Variants in SLCO3A1 observed in about 807,000 individuals in gnomAD.
The protein encoded by SLCO3A1 is PGE1 transporter.
In SLCO3A1, 27 loss-of-function variants were observed where a neutral mutation model predicts 63.1. The ratio of observed to expected loss-of-function variants is 0.43; its 90% CI spans 0.32 to 0.59. The LOEUF (loss-of-function observed/expected upper bound fraction) is 0.59, where lower values mean the gene tolerates loss of function less well. Ranked by LOEUF, SLCO3A1 falls within the 20% of genes least tolerant of loss-of-function variation. The probability of loss-of-function intolerance (pLI) is 0.09; values close to 1 mark genes in which losing one functional copy is unlikely to be tolerated. For synonymous variants in SLCO3A1, 473 were observed against 409.9 expected, an observed-to-expected ratio of 1.15 and a Z score of -1.86; for missense variants, 773 against 945.8, an observed-to-expected ratio of 0.82 and a Z score of 2.40.
chr15:91,937,290 G>T (rs1199602325), intron 2 of SLCO3A1, among the ~76,000 whole-genome samples: 1 of 152,212 alleles, frequency 6.6e-6, no homozygotes, highest in Non-Finnish European at 1.5e-5. Flanking sequence ...GGTAGCACGG[G>T]CAAAGCACTC....
Position 92,060,592 on chromosome 15 carries a change from G to T in SLCO3A1, c.647-34289G>T, listed in dbSNP as rs12917267. Reference sequence around the variant, plus strand: ...TCGGCTCACTGCAACCTCCGCCTCCGGGGTTCAGGCAGTTCTCCTGCCTCA... The same window carrying T: ...TCGGCTCACTGCAACCTCCGCCTCCTGGGTTCAGGCAGTTCTCCTGCCTCA... On this transcript the variant is annotated intron_variant, in intron 2 of 9. Transcript: ENST00000318445. Among the ~76,000 whole-genome samples, 634 of 151,554 alleles carry T rather than the reference G, an allele frequency of 4.2e-3. 6 individuals carry two copies. The highest frequency in any genetic ancestry group is 0.015 in the African/African-American group (609 of 41,312).
chr15:92,045,763 A>AGT (rs1161344049), intron 2 of SLCO3A1, among the ~76,000 whole-genome samples: 1 of 152,200 alleles, frequency 6.6e-6, no homozygotes, highest in Non-Finnish European at 1.5e-5. Context: ...GCTACTGCGG[A>AGT]GTGCCAGCAT....
chr15:92,135,596 G>A (rs2048047217), intron 7 of SLCO3A1, among the ~76,000 whole-genome samples: 1 of 152,218 alleles, frequency 6.6e-6, no homozygotes, highest in Admixed American at 6.5e-5. Context: ...CCAATGAAGT[G>A]AAGAGATGCT....
rs549664637 is a variant in SLCO3A1, at chr15:91,954,235, T to C, written c.646+37777T>C. Among the ~76,000 whole-genome samples, 14 of 152,262 alleles carry C rather than the reference T, an allele frequency of 9.2e-5. No homozygotes were observed. The highest frequency in any genetic ancestry group is 4.1e-4 in the South Asian group (2 of 4,824). ...TCTGAACCACGCACTGAGAATTCCA[T>C]TGGATTAGAAGCTGTGCGGGTGCCC... On this transcript the variant is annotated intron_variant, in intron 2 of 9. Coordinates refer to ENST00000318445, the MANE Select transcript of SLCO3A1 (RefSeq NM_013272.4). This position sits in a 1 kb window ranked among gnomAD's most constrained non-coding sequence, Gnocchi z 4.7.
At chr15:91,998,690 G>T (rs889659038) in intron 2 of SLCO3A1, among the ~76,000 whole-genome samples, 2 of 152,196 alleles carry the variant, frequency 1.3e-5, no homozygotes, top group African/African-American at 4.8e-5. Flanking sequence ...CACTGTTGCT[G>T]GGAATGTAAA....
At chr15:91,933,084 A>C (rs1899291411) in intron 2 of SLCO3A1, among the ~76,000 whole-genome samples, 1 of 152,166 alleles carries the variant, frequency 6.6e-6, no homozygotes, top group Non-Finnish European at 1.5e-5. Context: ...CCAATTACTA[A>C]AAACAATTTA....
intron 1 of SLCO3A1, among the ~76,000 whole-genome samples, chr15:91,915,148 C>G (rs370855316): frequency 9.8e-5 from 15 of 152,294 alleles, no homozygotes; most frequent in African/African-American, 3.6e-4. Context: ...CATCTCACCT[C>G]CAGTCCCTTT....
intron 2 of SLCO3A1, among the ~76,000 whole-genome samples, chr15:91,952,396 C>T (rs147144209): frequency 1.6e-3 from 238 of 152,280 alleles, no homozygotes; most frequent in African/African-American, 5.5e-3. Flanking sequence ...GAAACTCTAC[C>T]AAAGAACAGT....
rs1490341089 is a variant in SLCO3A1 at position 91,950,873 on chromosome 15, C to T, written c.646+34415C>T. Among the ~76,000 whole-genome samples, 1 of 151,918 alleles carries T rather than the reference C, an allele frequency of 6.6e-6. No individual in the cohort carries two copies. Among genetic ancestry groups the T allele is most frequent in the East Asian group, 1.9e-4 (1 of 5,182 alleles). ...ACAGCCAGGGAGCCACCCTTTACTC[C>T]ACCAACAGGTGGCTTATATCCAATC... is the stretch of plus-strand genomic sequence containing the variant. On this transcript the variant is annotated intron_variant, in intron 2 of 9. Transcript: ENST00000318445. The surrounding 1 kb of genome is among the most constrained non-coding windows in gnomAD (Gnocchi z 4.4).
rs72755611 is a variant in SLCO3A1, at chr15:91,970,843, G to A, written c.646+54385G>A. Among the ~76,000 whole-genome samples the A allele has an allele frequency of 9.1e-3, 1,387 of 152,184 alleles. 13 individuals carry two copies. The highest frequency in any genetic ancestry group is 0.016 in the South Asian group (78 of 4,824). On this transcript the variant is annotated intron_variant, in intron 2 of 9. Transcript: ENST00000318445. ...CACCTGTGTACAAGGGGCGTCTGCC[G>A]TCCTCATGCTACTAATGCCCAACCA... is the stretch of plus-strand genomic sequence containing the variant.
chr15:92,116,368 C>G (rs1264643335), intron 4 of SLCO3A1, among the ~76,000 whole-genome samples: 1 of 152,244 alleles, frequency 6.6e-6, no homozygotes. Context: ...CTAGAGACCG[C>G]TCTCCTGCCG....
intron 7 of SLCO3A1, among the ~76,000 whole-genome samples, chr15:92,144,371 T>A (rs897625234): frequency 6.6e-6 from 1 of 152,198 alleles, no homozygotes; most frequent in Non-Finnish European, 1.5e-5. Flanking sequence ...AGGCCAGTTA[T>A]GAGGAGATGC....
intron 2 of SLCO3A1, among the ~76,000 whole-genome samples, chr15:91,969,801 T>C (rs918217997): frequency 6.6e-6 from 1 of 152,194 alleles, no homozygotes; most frequent in Non-Finnish European, 1.5e-5. Context: ...GAGATCTAGC[T>C]ATGTCTATGG....
intron 2 of SLCO3A1, among the ~76,000 whole-genome samples, chr15:92,008,035 G>GA (rs2046330717): frequency 6.6e-6 from 1 of 152,194 alleles, no homozygotes; most frequent in African/African-American, 2.4e-5. Flanking sequence ...CTTTTCTAAA[G>GA]AAGTCGGCTC....
rs544499458 is a variant in SLCO3A1, at chr15:91,968,085, A to G, written c.646+51627A>G. ...AGTCCCCTGCCTAGTCGCCCTGGAA[A>G]GTACCCAGGGAAGCCACTTACGGCC... On this transcript the variant is annotated intron_variant, in intron 2 of 9. Coordinates refer to ENST00000318445, the MANE Select transcript of SLCO3A1 (RefSeq NM_013272.4). The surrounding 1 kb of genome is among the most constrained non-coding windows in gnomAD (Gnocchi z 4.2). Among the ~76,000 whole-genome samples the G allele has an allele frequency of 9.2e-5, 14 of 152,260 alleles. No individual in the cohort carries two copies. The highest frequency in any genetic ancestry group is 3.1e-4 in the African/African-American group (13 of 41,554).
At chr15:92,101,280 G>A (rs897467491) in intron 3 of SLCO3A1, among the ~76,000 whole-genome samples, 11 of 152,204 alleles carry the variant, frequency 7.2e-5, no homozygotes, top group Non-Finnish European at 1.6e-4. Flanking sequence ...AGGCCAACGC[G>A]GGTGGATCAC....
intron 2 of SLCO3A1, among the ~76,000 whole-genome samples, chr15:91,961,395 G>A (rs577576591): frequency 7.9e-5 from 12 of 152,362 alleles, no homozygotes; most frequent in African/African-American, 2.2e-4. Context: ...ATAGTGGCGT[G>A]TTGTCTTGAA....
intron 2 of SLCO3A1, among the ~76,000 whole-genome samples, chr15:91,927,227 G>A (rs1034660434): frequency 3.0e-4 from 45 of 152,088 alleles, no homozygotes; most frequent in African/African-American, 1.1e-3. Context: ...CTAACCGTGG[G>A]TGTTTTGGGT....
At chr15:91,880,021 T>A (rs1897514067) in intron 1 of SLCO3A1, among the ~76,000 whole-genome samples, 1 of 152,108 alleles carries the variant, frequency 6.6e-6, no homozygotes, top group Non-Finnish European at 1.5e-5. Flanking sequence ...CTGGCTGTGT[T>A]CCTCTTTCAT....
Sources: gnomAD v4.1 joint callset for allele counts (sites outside exome capture counted in the v4.1 genomes callset) on GRCh38, gnomAD v4.1.1 for gene constraint, Gnocchi (gnomAD v3.1) non-coding constraint, MANE v1.5 for transcripts, NCBI Gene and HGNC (gene_info 2026-07-23, HGNC 2026-07-21) for gene names.